MTRR: variants seen among roughly 807,000 people sequenced by gnomAD.
MTRR encodes the protein 5-methyltetrahydrofolate-homocysteine methyltransferase reductase, also known as methionine synthase reductase.
A neutral mutation model predicts 79.2 loss-of-function variants in MTRR; 63 were observed. That is an observed-to-expected ratio of 0.80 (90% CI 0.65 to 0.98). The LOEUF (loss-of-function observed/expected upper bound fraction) is 0.98. Among genes scored for constraint, MTRR ranks in the 50% least tolerant of loss-of-function variants. The pLI is 0.00. For synonymous variants in MTRR, 355 were observed against 313.3 expected (o/e 1.13, Z -1.41); for missense variants, 895 against 839.6 (o/e 1.07, Z -0.82).
At chr5:7,863,009 T>C in intron 2 of MTRR, 2 of 1,607,392 alleles carry the variant, frequency 1.2e-6, no homozygotes, top group Non-Finnish European at 1.7e-6. Context: ...TAAAAAATCA[T>C]AAGTGCAAAT....
chr5:7,865,539 T>C (rs1168843630), upstream of MTRR, among the ~76,000 whole-genome samples: 1 of 152,212 alleles, frequency 6.6e-6, no homozygotes, highest in Non-Finnish European at 1.5e-5. Flanking sequence ...ATAATTTAGG[T>C]ATTTGTTCAG....
intron 2 of MTRR, chr5:7,863,025 A>G (rs1391245052): frequency 1.9e-6 from 3 of 1,575,708 alleles, no homozygotes; most frequent in African/African-American, 2.7e-5. Context: ...CAAATGTGAG[A>G]AAGAAAAATA....
chr5:7,861,218 G>C (rs1746509155), intron 1 of MTRR: 1 of 1,612,404 alleles, frequency 6.2e-7, no homozygotes, highest in Non-Finnish European at 8.5e-7. Flanking sequence ...GTAAGTGTTT[G>C]CTATTGGAGC....
At chr5:7,883,298 C>A (rs1293919254) in intron 6 of MTRR, 21 bp downstream of exon 6, 1 of 1,613,918 alleles carries the variant, frequency 6.2e-7, no homozygotes, top group Non-Finnish European at 8.5e-7. Flanking sequence ...AAATTTATTT[C>A]TCAGCACAGT....
At chr5:7,896,979 T>G in intron 13 of MTRR, 23 bp downstream of exon 13, 1 of 1,612,512 alleles carries the variant, frequency 6.2e-7, no homozygotes, top group Non-Finnish European at 8.5e-7. Flanking sequence ...TCCAGTATTG[T>G]ACTCAACCAC....
intron 1 of MTRR, among the ~76,000 whole-genome samples, chr5:7,856,263 T>C (rs1179379249): frequency 6.6e-6 from 1 of 152,224 alleles, no homozygotes; most frequent in Non-Finnish European, 1.5e-5. Flanking sequence ...TCAGCTCATA[T>C]AGACAACAGT....
intron 1 of MTRR, among the ~76,000 whole-genome samples, chr5:7,852,410 G>A (rs1449631721): frequency 6.6e-6 from 1 of 151,964 alleles, no homozygotes; most frequent in East Asian, 1.9e-4. Context: ...TCTCTCGTGG[G>A]TCCCCATGAG....
At chr5:7,890,368 A>T in intron 9 of MTRR, 1 of 985,408 alleles carries the variant, frequency 1.0e-6, no homozygotes, top group Admixed American at 6.1e-5. Context: ...CTCTTCAGTG[A>T]AGTCTTCGAG....
upstream of MTRR, among the ~76,000 whole-genome samples, chr5:7,864,211 T>C (rs1049925627): frequency 6.6e-6 from 1 of 152,200 alleles, no homozygotes; most frequent in Non-Finnish European, 1.5e-5. Flanking sequence ...GTAATACACA[T>C]GTTAATTGGT....
chr5:7,861,120 G>A, intron 1 of MTRR: 1 of 1,397,642 alleles, frequency 7.2e-7, no homozygotes, highest in Non-Finnish European at 1.0e-6. Flanking sequence ...TTTGCTTTTG[G>A]GAAACAAAAA....
At chr5:7,873,207 T>C (rs1748300946) in intron 2 of MTRR, among the ~76,000 whole-genome samples, 166 bp from the exon 3 acceptor site, 1 of 152,122 alleles carries the variant, frequency 6.6e-6, no homozygotes, top group South Asian at 2.1e-4. Flanking sequence ...ATTAGGCAAA[T>C]TGATTAAGCT....
At chr5:7,885,962 T>TG in intron 7 of MTRR, 108 bp downstream of exon 7, 2 of 1,430,518 alleles carry the variant, frequency 1.4e-6, no homozygotes, top group East Asian at 2.3e-5. Context: ...GCCGCACAGA[T>TG]GCCTGGGGCT....
chr5:7,861,144 C>T (rs765363248), intron 1 of MTRR: 57 of 1,550,342 alleles, frequency 3.7e-5, no homozygotes, highest in African/African-American at 9.6e-5. Context: ...TAGGTGAAAC[C>T]GTACCTGAAC....
intron 2 of MTRR, chr5:7,862,775 G>T: frequency 6.7e-7 from 1 of 1,498,316 alleles, no homozygotes; most frequent in South Asian, 1.2e-5. Context: ...CTCCAAAATC[G>T]AACAGGATGC....
intron 10 of MTRR, among the ~76,000 whole-genome samples, chr5:7,891,661 TCC>T (rs1229674429): frequency 6.6e-6 from 1 of 152,144 alleles, no homozygotes; most frequent in Admixed American, 6.5e-5. Flanking sequence ...AGTCTCAGGC[TCC>T]TCCACATGCT....
chr5:7,892,796 A>G lies in MTRR; in HGVS notation c.1440A>G (p.Thr480=). The G allele has an allele frequency of 6.2e-7, 1 of 1,614,220 alleles. No individual in the cohort carries two copies. The highest frequency in any genetic ancestry group is 8.5e-7 in the Non-Finnish European group (1 of 1,180,036). The part of the protein sequence containing the change: ...FNIVEFLSTA[T]TEVLRKGVCT... Reference sequence around the variant, plus strand: ...TTGTGGAATTTCTGTCTACTGCCACAACAGAGGTTCTGCGGAAGGGAGTAT... The same window carrying G: ...TTGTGGAATTTCTGTCTACTGCCACGACAGAGGTTCTGCGGAAGGGAGTAT... The change falls in exon 11 of 15, where the codon ACA becomes ACG. Residue 480 remains threonine, a synonymous_variant. Transcript: ENST00000440940.
upstream of MTRR, chr5:7,867,187 C>G: frequency 1.9e-6 from 3 of 1,614,138 alleles, no homozygotes; most frequent in Non-Finnish European, 2.5e-6. Flanking sequence ...GGGCAGTGAG[C>G]ATTTGGCTAA....
intron 2 of MTRR, among the ~76,000 whole-genome samples, chr5:7,873,069 G>A (rs923787070): frequency 6.6e-6 from 1 of 152,132 alleles, no homozygotes; most frequent in Non-Finnish European, 1.5e-5. Flanking sequence ...GGAAACCTGG[G>A]ATGGGTACTG....
intron 14 of MTRR, 114 bp from the exon 15 acceptor site, chr5:7,899,800 A>C: frequency 7.4e-7 from 1 of 1,354,344 alleles, no homozygotes; most frequent in Non-Finnish European, 1.1e-6. Context: ...TGTTCTGAGA[A>C]GACGGAGGGA....
Sources: allele counts gnomAD v4.1 joint callset (sites outside exome capture counted in the v4.1 genomes callset), GRCh38; gene constraint gnomAD v4.1.1; transcripts MANE v1.5; gene names NCBI Gene and HGNC (gene_info 2026-07-23, HGNC 2026-07-21).